The following KANK2 variants were observed in gnomAD, a reference collection of about 807,000 sequenced individuals.
KANK2 encodes KN motif and ankyrin repeat domain-containing protein 2.
In KANK2, 41 loss-of-function variants were observed where a neutral mutation model predicts 74.6. That is an observed-to-expected ratio of 0.55 (90% CI 0.43 to 0.71). The LOEUF (loss-of-function observed/expected upper bound fraction) is 0.71, where lower values mean the gene tolerates loss of function less well. Ranked by LOEUF, KANK2 falls within the 30% of genes least tolerant of loss-of-function variation. KANK2 has a pLI of 0.00. For missense variants in KANK2, 1,148 were observed against 1,196.4 expected (o/e 0.96, Z 0.60); for synonymous variants, 537 against 519.0 (o/e 1.03, Z -0.47).
chr19:11,169,405 G>T (rs1171263756), intron 12 of KANK2, among the ~76,000 whole-genome samples: 1 of 152,216 alleles, frequency 6.6e-6, no homozygotes, highest in African/African-American at 2.4e-5. Flanking sequence ...CTACTCAGGA[G>T]GCTGAGGTGA....
rs750813692 is a variant in KANK2, at chr19:11,178,388, T to C, written c.1477A>G (p.Thr493Ala). The C allele has an allele frequency of 3.8e-6, 6 of 1,562,486 alleles. No homozygotes were observed. The highest frequency in any genetic ancestry group is 5.2e-6 in the Non-Finnish European group (6 of 1,161,250). The stretch of plus-strand genomic sequence containing the variant: ...AACTGGAGGCTCCTCCGGTGGGCCG[T>C]GGGGTCTGCAACCTCCTCTTTCCGT... ...MKRKEEVADP[T>A]AHRRSLQFVG... Residue 493 changes from threonine (T) to alanine (A), a missense_variant, in exon 6 of 13, where the codon ACG (threonine) becomes GCG (alanine). Coordinates refer to ENST00000586659, the MANE Select transcript of KANK2 (RefSeq NM_001136191.3).
In KANK2 at chr19:11,175,977, G is replaced by A. The variant is rs1443625359; in HGVS notation, c.1773C>T (p.Ser591=). 8 of 1,613,266 alleles carry A rather than the reference G, an allele frequency of 5.0e-6. No homozygotes were observed. The highest frequency in any genetic ancestry group is 1.1e-5 in the South Asian group (1 of 90,884). The change falls in exon 8 of 13, where the codon AGC becomes AGT. Residue 591 remains serine, a synonymous_variant. Coordinates refer to ENST00000586659, the MANE Select transcript of KANK2 (RefSeq NM_001136191.3). ...NTEEEIRMEL[S]PDLISACLAL... Reference sequence around the variant, plus strand: ...CCAAGCAGGCTGAGATGAGGTCAGGGCTTAGCTCCATCCTGCCAGGAACAG... The same window carrying A: ...CCAAGCAGGCTGAGATGAGGTCAGGACTTAGCTCCATCCTGCCAGGAACAG...
rs1192538318 is a variant in KANK2 at position 11,170,437 on chromosome 19, G to A, written c.2212-189C>T. ...TAATAAATCCACAGAGACAGAAAGC[G>A]GATGAGTGGTTGCCAGAGGCTGGGA... On this transcript the variant is annotated intron_variant, in intron 10 of 12. Coordinates refer to ENST00000586659, the MANE Select transcript of KANK2 (RefSeq NM_001136191.3). This position sits in a 1 kb window ranked among gnomAD's most constrained non-coding sequence, Gnocchi z 5.2. The A allele has an allele frequency of 3.0e-5, 18 of 597,354 alleles. No homozygotes were observed. Among genetic ancestry groups the A allele is most frequent in the Admixed American group, 1.5e-4 (5 of 33,624 alleles). The allele number at this position is 597,354 out of a possible 1,614,324, so 37.0% of individuals were successfully genotyped here. A position where few individuals can be genotyped will look rare whatever the true frequency, so the allele number is the denominator to read the frequency against.
chr19:11,166,475 G>T lies in KANK2; in HGVS notation c.*83C>A. 7.7e-7 allele frequency: 1 copy of T among 1,306,340 alleles called. No homozygotes were observed. The highest frequency in any genetic ancestry group is 1.1e-6 in the Non-Finnish European group (1 of 903,194). The allele number at this position is 1,306,340 out of a possible 1,614,324, so 80.9% of individuals were successfully genotyped here. ...GCCTTGGGGAGTGTGAGTGGGGTGG[G>T]CCAGGGAGGAACGGGAACAGGGAGG... On this transcript the variant is annotated 3_prime_UTR_variant, in exon 13 of 13. Transcript: ENST00000586659.
In KANK2 at chr19:11,193,035, C is replaced by G; in HGVS notation, c.1045G>C (p.Ala349Pro). 6.2e-7 allele frequency: 1 copy of G among 1,612,080 alleles called. No individual in the cohort carries two copies. The highest frequency in any genetic ancestry group is 2.2e-5 in the East Asian group (1 of 44,842). ...AGGCTCTGGGCCCGCTGTGCGGGGG[C>G]GCCAGCGGCTGTGCTGGCCACCACC... is the stretch of plus-strand genomic sequence containing the variant. ...VEVVASTAAG[A>P]PAQRAQSLEP... Residue 349 changes from alanine to proline, a missense_variant, in exon 4 of 13, where the codon GCC becomes CCC. Physicochemically the swap from Ala to Pro is conservative, Grantham distance 27. Coordinates refer to ENST00000586659, the MANE Select transcript of KANK2 (RefSeq NM_001136191.3). The surrounding 1 kb of genome is among the most constrained non-coding windows in gnomAD (Gnocchi z 9.6).
rs147307664 is a variant in KANK2 at position 11,193,041 on chromosome 19, C to A, written c.1039G>T (p.Ala347Ser). 1.2e-6 allele frequency: 2 copies of A among 1,611,520 alleles called. No individual in the cohort carries two copies. The highest frequency in any genetic ancestry group is 8.5e-7 in the Non-Finnish European group (1 of 1,179,026). Residue 347 changes from alanine to serine, a missense_variant, in exon 4 of 13, where the codon GCT (alanine) becomes TCT (serine). By Grantham distance (99) the Ala-to-Ser change is moderately conservative. Transcript: ENST00000586659. The surrounding 1 kb of genome is among the most constrained non-coding windows in gnomAD (Gnocchi z 9.6). ...TGGGCCCGCTGTGCGGGGGCGCCAG[C>A]GGCTGTGCTGGCCACCACCTCCACC... ...REVEVVASTAAGAPAQRAQSL... is the reference protein window; with the variant it reads ...REVEVVASTASGAPAQRAQSL...
chr19:11,182,570 G>A (rs565193560), intron 4 of KANK2, among the ~76,000 whole-genome samples: 33 of 147,654 alleles, frequency 2.2e-4, no homozygotes, highest in Non-Finnish European at 4.3e-4. Flanking sequence ...AAAGCCAGGC[G>A]CGGTGGCTCA....
At chr19:11,184,366 ACT>A (rs2147524065) in intron 4 of KANK2, among the ~76,000 whole-genome samples, 1 of 141,292 alleles carries the variant, frequency 7.1e-6, no homozygotes, top group South Asian at 2.4e-4. Flanking sequence ...ACAGAGCGAA[ACT>A]CTGTCTCAAA....
At chr19:11,181,980 C>T (rs538841809) in intron 4 of KANK2, among the ~76,000 whole-genome samples, 55 of 137,636 alleles carry the variant, frequency 4.0e-4, no homozygotes, top group African/African-American at 1.4e-3. Context: ...TGCAGTGATG[C>T]GATCTTGGCT....
chr19:11,193,405 C>T lies in KANK2; in HGVS notation c.675G>A (p.Gln225=), dbSNP rs1323440761. ...TCTGGCTCTTAAGTTGTACTGTGAG[C>T]TGCCGCTTTTCCTCCTGGAGCACCG... ...KLSVLQEEKR[Q]LTVQLKSQKF... is the part of the protein sequence containing the mutation. The change falls in exon 4 of 13, where the codon CAG becomes CAA. Residue 225 remains glutamine, a synonymous_variant. Transcript: ENST00000586659. This position sits in a 1 kb window ranked among gnomAD's most constrained non-coding sequence, Gnocchi z 9.6. 1.2e-6 allele frequency: 2 copies of T among 1,612,804 alleles called. No homozygotes were observed. Among genetic ancestry groups the T allele is most frequent in the Non-Finnish European group, 1.7e-6 (2 of 1,179,974 alleles).
chr19:11,187,772 T>G (rs2078718575), intron 4 of KANK2, among the ~76,000 whole-genome samples: 1 of 152,156 alleles, frequency 6.6e-6, no homozygotes, highest in Non-Finnish European at 1.5e-5. Context: ...TGCATTTTTT[T>G]GCATATTAAG....
At position 11,175,942 on chromosome 19, in the gene KANK2, T is replaced by G; in HGVS notation, c.1808A>C (p.Lys603Thr). 1 of 1,613,802 alleles carries G rather than the reference T, an allele frequency of 6.2e-7. No individual in the cohort carries two copies. The highest frequency in any genetic ancestry group is 8.5e-7 in the Non-Finnish European group (1 of 1,179,840). The change falls in exon 8 of 13, where the codon AAG becomes ACG. Residue 603 changes from lysine to threonine, a missense_variant. By Grantham distance (78) the Lys-to-Thr change is moderately conservative. Coordinates refer to ENST00000586659, the MANE Select transcript of KANK2 (RefSeq NM_001136191.3). ...DLISACLALEKYLDNPNALTE... is the reference protein window; with the variant it reads ...DLISACLALETYLDNPNALTE... ...GAGGGCGTTGGGATTGTCCAGGTAC[T>G]TTTCCAGGGCCAAGCAGGCTGAGAT...
At chr19:11,175,202 G>T (rs1003932775) in intron 8 of KANK2, among the ~76,000 whole-genome samples, 1 of 151,600 alleles carries the variant, frequency 6.6e-6, no homozygotes, top group South Asian at 2.1e-4. Context: ...CAGGGTGAGC[G>T]GATCACTTGA....
At chr19:11,176,556 C>A in intron 7 of KANK2, 22 bp downstream of exon 7, 1 of 1,547,940 alleles carries the variant, frequency 6.5e-7, no homozygotes, top group Non-Finnish European at 8.7e-7. Flanking sequence ...CTGCCTGAAT[C>A]CCTCCTACCC....
intron 12 of KANK2, chr19:11,169,617 A>G (rs903431136): frequency 5.2e-6 from 3 of 573,788 alleles, no homozygotes; most frequent in East Asian, 2.9e-5. Flanking sequence ...CCTGACCATC[A>G]TGGTGAAACC....
In KANK2 at chr19:11,174,655, C is replaced by T. The variant is rs777115215; in HGVS notation, c.1886G>A (p.Arg629His). 26 of 1,608,878 alleles carry T rather than the reference C, an allele frequency of 1.6e-5. No homozygotes were observed. The highest frequency in any genetic ancestry group is 1.9e-5 in the Non-Finnish European group (22 of 1,178,618). The change falls in exon 9 of 13, where the codon CGC becomes CAC. Residue 629 changes from arginine to histidine, a missense_variant. Physicochemically the swap from Arg to His is conservative, Grantham distance 29. Coordinates refer to ENST00000586659, the MANE Select transcript of KANK2 (RefSeq NM_001136191.3). ...AYTTVLQEWL[R>H]LACRSDAHPE... ...GTGTGCGTCGCTGCGGCAGGCCAGGCGCAGCCACTCCTGCAGCACTGTGGT... is the reference window on the plus strand; with the variant it reads ...GTGTGCGTCGCTGCGGCAGGCCAGGTGCAGCCACTCCTGCAGCACTGTGGT...
chr19:11,186,180 G>A (rs1323594612), intron 4 of KANK2, among the ~76,000 whole-genome samples: 1 of 152,160 alleles, frequency 6.6e-6, no homozygotes, highest in Non-Finnish European at 1.5e-5. Flanking sequence ...CTAAGGATGA[G>A]AGTTTGAGAC....
intron 4 of KANK2, among the ~76,000 whole-genome samples, chr19:11,184,192 ATG>A (rs1555818642): frequency 1.1e-4 from 17 of 151,334 alleles, no homozygotes; most frequent in Non-Finnish European, 1.3e-4. Context: ...CCTGGCCAAC[ATG>A]GTGAAACCCA....
intron 4 of KANK2, among the ~76,000 whole-genome samples, chr19:11,191,930 A>G (rs7250652): frequency 0.5 from 76,030 of 151,964 alleles, 19,627 homozygotes; most frequent in African/African-American, 0.62. Flanking sequence ...ACAGTGGTGC[A>G]TGCCTGTAGA....
Sources: allele counts gnomAD v4.1 joint callset (sites outside exome capture counted in the v4.1 genomes callset), GRCh38; gene constraint gnomAD v4.1.1; non-coding constraint Gnocchi (gnomAD v3.1); transcripts MANE v1.5; gene names NCBI Gene and HGNC (gene_info 2026-07-23, HGNC 2026-07-21).